Variants in PDGFC observed in about 807,000 individuals in gnomAD.
PDGFC encodes the protein platelet derived growth factor C, also known as platelet-derived growth factor C.
A neutral mutation model predicts 35.5 loss-of-function variants in PDGFC; 12 were observed. The ratio of observed to expected loss-of-function variants is 0.34; its 90% CI spans 0.22 to 0.55. The LOEUF (loss-of-function observed/expected upper bound fraction) is 0.55. Ranked by LOEUF, PDGFC falls within the 20% of genes least tolerant of loss-of-function variation. The probability of loss-of-function intolerance (pLI) is 0.91; values close to 1 mark genes in which losing one functional copy is unlikely to be tolerated. For synonymous variants in PDGFC, 159 were observed against 148.8 expected, an observed-to-expected ratio of 1.07 and a Z score of -0.50; for missense variants, 322 against 412.4, an observed-to-expected ratio of 0.78 and a Z score of 1.90.
chr4:156,925,742 TAA>T (rs200475937), intron 1 of PDGFC, among the ~76,000 whole-genome samples: 5 of 138,488 alleles, frequency 3.6e-5, no homozygotes, highest in Non-Finnish European at 6.3e-5. Context: ...AGTATTATTC[TAA>T]AAAAAAAAAA....
chr4:156,911,185 A>C (rs1265314268), intron 1 of PDGFC, among the ~76,000 whole-genome samples: 2 of 152,138 alleles, frequency 1.3e-5, no homozygotes, highest in East Asian at 3.9e-4. Context: ...CATGTTAATG[A>C]GTGACATTCA....
intron 2 of PDGFC, among the ~76,000 whole-genome samples, chr4:156,834,202 T>C (rs565926377): frequency 1.3e-5 from 2 of 152,276 alleles, no homozygotes; most frequent in East Asian, 3.9e-4. Flanking sequence ...TGTAAACAAA[T>C]ATCTGAATCT....
intron 1 of PDGFC, among the ~76,000 whole-genome samples, chr4:156,951,528 A>G (rs908034826): frequency 9.2e-5 from 14 of 151,826 alleles, no homozygotes; most frequent in African/African-American, 2.6e-4. Context: ...GGCAGAAATT[A>G]ACCAGGATTT....
chr4:156,951,601 G>A (rs1732084024), intron 1 of PDGFC, among the ~76,000 whole-genome samples: 1 of 151,542 alleles, frequency 6.6e-6, no homozygotes, highest in Non-Finnish European at 1.5e-5. Context: ...AATGGTGTAT[G>A]ACAATGAAAA....
intron 2 of PDGFC, among the ~76,000 whole-genome samples, chr4:156,848,364 A>C (rs1729374740): frequency 6.6e-6 from 1 of 151,978 alleles, no homozygotes; most frequent in African/African-American, 2.4e-5. Flanking sequence ...TCTACCTAGT[A>C]AAGCTGAAAA....
intron 1 of PDGFC, among the ~76,000 whole-genome samples, chr4:156,929,292 T>C (rs1036648413): frequency 1.3e-5 from 2 of 152,158 alleles, no homozygotes; most frequent in Non-Finnish European, 2.9e-5. Flanking sequence ...AAAGAAATTT[T>C]ATCAGTATCT....
At chr4:156,841,717 G>C (rs1259113417) in intron 2 of PDGFC, among the ~76,000 whole-genome samples, 2 of 151,966 alleles carry the variant, frequency 1.3e-5, no homozygotes, top group Non-Finnish European at 2.9e-5. Flanking sequence ...AACTGGCCAA[G>C]CTGGTCTCAA....
chr4:156,899,254 G>A (rs575884678), intron 1 of PDGFC, among the ~76,000 whole-genome samples: 1 of 152,254 alleles, frequency 6.6e-6, no homozygotes, highest in East Asian at 1.9e-4. Context: ...ATTGTATCAG[G>A]TATTACAAGT....
chr4:156,953,281 C>T (rs1732125073), intron 1 of PDGFC, among the ~76,000 whole-genome samples: 1 of 151,828 alleles, frequency 6.6e-6, no homozygotes, highest in Non-Finnish European at 1.5e-5. Context: ...TATAGGACCA[C>T]CTCTCAAAGA....
chr4:156,880,171 T>A (rs1367350580), intron 1 of PDGFC, among the ~76,000 whole-genome samples: 1 of 152,140 alleles, frequency 6.6e-6, no homozygotes. Flanking sequence ...TGGAAGAAGG[T>A]GTCATCTAGA....
chr4:156,894,579 A>G (rs1260189631), intron 1 of PDGFC, among the ~76,000 whole-genome samples: 1 of 152,210 alleles, frequency 6.6e-6, no homozygotes, highest in Non-Finnish European at 1.5e-5. Context: ...AATATTTCAA[A>G]CTCAAAAATT....
intron 1 of PDGFC, among the ~76,000 whole-genome samples, chr4:156,920,186 T>G (rs1560873352): frequency 6.6e-6 from 1 of 152,208 alleles, no homozygotes; most frequent in Non-Finnish European, 1.5e-5. Context: ...ATAAACCCCT[T>G]TGCTTTCTGA....
chr4:156,866,927 T>A (rs1252133752), intron 1 of PDGFC, among the ~76,000 whole-genome samples: 1 of 152,144 alleles, frequency 6.6e-6, no homozygotes, highest in African/African-American at 2.4e-5. Flanking sequence ...ACTCATATAA[T>A]GCTCTGGAAT....
intron 1 of PDGFC, among the ~76,000 whole-genome samples, chr4:156,962,764 G>T (rs908718478): frequency 1.3e-5 from 2 of 152,182 alleles, no homozygotes; most frequent in African/African-American, 4.8e-5. Flanking sequence ...GTGAAGCCCT[G>T]GTGTTTTTCC....
At chr4:156,791,199 T>G (rs1315891134) in intron 3 of PDGFC, among the ~76,000 whole-genome samples, 2 of 152,194 alleles carry the variant, frequency 1.3e-5, no homozygotes, top group Non-Finnish European at 2.9e-5. Context: ...GATGGATCTA[T>G]CATCCATTCA....
At chr4:156,927,628 A>G (rs945178368) in intron 1 of PDGFC, among the ~76,000 whole-genome samples, 1 of 152,080 alleles carries the variant, frequency 6.6e-6, no homozygotes, top group African/African-American at 2.4e-5. Flanking sequence ...CCAGTTCCCA[A>G]CAAGTTCCTC....
intron 1 of PDGFC, among the ~76,000 whole-genome samples, chr4:156,938,652 T>C (rs574731081): frequency 2.0e-5 from 3 of 152,046 alleles, no homozygotes; most frequent in Admixed American, 2.0e-4. Context: ...AATAAAGATA[T>C]GAGTAAGTAT....
chr4:156,769,361 T>C (rs1229156382), intron 4 of PDGFC, among the ~76,000 whole-genome samples: 1 of 151,944 alleles, frequency 6.6e-6, no homozygotes, highest in Non-Finnish European at 1.5e-5. Context: ...ATCAGGTGTT[T>C]TTAATACTTA....
intron 1 of PDGFC, among the ~76,000 whole-genome samples, chr4:156,856,248 T>C (rs992059243): frequency 2.0e-5 from 3 of 152,164 alleles, no homozygotes; most frequent in African/African-American, 7.2e-5. Context: ...ACGGAACTAC[T>C]ACAATTATTT....
Sources: gnomAD v4.1 joint callset for allele counts (sites outside exome capture counted in the v4.1 genomes callset) on GRCh38, gnomAD v4.1.1 for gene constraint, MANE v1.5 for transcripts, NCBI Gene and HGNC (gene_info 2026-07-23, HGNC 2026-07-21) for gene names.